Variants in IFI44L observed in about 807,000 individuals in gnomAD.
IFI44L encodes interferon induced protein 44 like, also known as interferon-induced protein 44-like.
A neutral mutation model predicts 39.3 loss-of-function variants in IFI44L; 40 were observed. The ratio of observed to expected loss-of-function variants is 1.02; its 90% CI spans 0.79 to 1.33. IFI44L has a LOEUF of 1.33. IFI44L is among the 40% of genes most tolerant of loss of function. IFI44L has a pLI of 0.00. For synonymous variants in IFI44L, 198 were observed against 182.3 expected (o/e 1.09, Z -0.69); for missense variants, 623 against 549.0 (o/e 1.13, Z -1.35).
intron 5 of IFI44L, among the ~76,000 whole-genome samples, chr1:78,636,498 G>A (rs1652955778): frequency 2.6e-5 from 4 of 151,970 alleles, no homozygotes; most frequent in Admixed American, 2.6e-4. Context: ...ATCTTAGAAA[G>A]ATTACTGTCT....
At chr1:78,636,703 T>C (rs753833056) in intron 5 of IFI44L, 2 of 214,382 alleles carry the variant, frequency 9.3e-6, no homozygotes, top group Non-Finnish European at 1.8e-5. Flanking sequence ...TAAATTGTAT[T>C]TAACAAACGT....
At chr1:78,640,060 A>G (rs974010183) in intron 6 of IFI44L, among the ~76,000 whole-genome samples, 1 of 152,102 alleles carries the variant, frequency 6.6e-6, no homozygotes, top group African/African-American at 2.4e-5. Flanking sequence ...ACACAATGTA[A>G]ATATATAAGC....
In IFI44L at chr1:78,625,162, C is replaced by T. The variant is rs143912946; in HGVS notation, c.-10-2744C>T. Among the ~76,000 whole-genome samples the T allele has an allele frequency of 1.5e-3, 228 of 151,370 alleles. 1 individual carries two copies. Among genetic ancestry groups the T allele is most frequent in the African/African-American group, 4.6e-3 (189 of 41,246 alleles). On this transcript the variant is annotated intron_variant, in intron 1 of 8. Transcript: ENST00000370751. ...GGCCTGTAATTTTTCTTGCTTATAA[C>T]GCCATTAACAGGTTTTGGTATCTAA...
intron 5 of IFI44L, 67 bp downstream of exon 5, chr1:78,635,556 A>T: frequency 6.7e-7 from 1 of 1,498,392 alleles, no homozygotes; most frequent in Non-Finnish European, 9.2e-7. Flanking sequence ...TGAATTTTTA[A>T]CCACATAAGG....
At chr1:78,621,792 T>C (rs1274668141) in intron 1 of IFI44L, among the ~76,000 whole-genome samples, 1 of 152,030 alleles carries the variant, frequency 6.6e-6, no homozygotes, top group African/African-American at 2.4e-5. Flanking sequence ...TTATATTAAT[T>C]TTATTTTTAT....
intron 1 of IFI44L, among the ~76,000 whole-genome samples, chr1:78,624,144 A>G (rs1652394488): frequency 6.6e-6 from 1 of 152,030 alleles, no homozygotes; most frequent in African/African-American, 2.4e-5. Flanking sequence ...GGTGCACACC[A>G]CCACACCCAA....
intron 6 of IFI44L, among the ~76,000 whole-genome samples, chr1:78,640,630 T>G (rs1191766549): frequency 6.6e-6 from 1 of 152,132 alleles, no homozygotes; most frequent in Non-Finnish European, 1.5e-5. Context: ...CTATTAGAAC[T>G]GTGAAATCAG....
chr1:78,622,049 A>G (rs1217199588), intron 1 of IFI44L, among the ~76,000 whole-genome samples: 1 of 152,054 alleles, frequency 6.6e-6, no homozygotes, highest in East Asian at 1.9e-4. Flanking sequence ...GTATATTTGT[A>G]CTCATTAACC....
At chr1:78,635,808 G>T in intron 5 of IFI44L, 1 of 263,990 alleles carries the variant, frequency 3.8e-6, no homozygotes, top group Non-Finnish European at 7.1e-6. Flanking sequence ...GCACTTTTTG[G>T]GTTACATAGA....
chr1:78,646,060 T>C lies in IFI44L; in HGVS notation c.*4251T>C, dbSNP rs1045376484. ...AATAATTACGTGTAAATATATTTTT[T>C]CATTTTTAAAAATTGATTTCTTTTG... On this transcript the variant is annotated 3_prime_UTR_variant, in exon 9 of 9. Coordinates refer to ENST00000370751, the MANE Select transcript of IFI44L (RefSeq NM_006820.4). 6.6e-6 allele frequency: 1 copy of C among 152,230 alleles called. No homozygotes were observed. Among genetic ancestry groups the C allele is most frequent in the African/African-American group, 2.4e-5 (1 of 41,462 alleles). 9.4% of individuals were successfully genotyped at this position (152,230 alleles called of 1,614,324 possible).
At chr1:78,635,058 CATG>C (rs1652893125) in intron 4 of IFI44L, among the ~76,000 whole-genome samples, 1 of 149,028 alleles carries the variant, frequency 6.7e-6, no homozygotes. Flanking sequence ...ACACGTTTTA[CATG>C]ATAAATTACA....
chr1:78,621,991 C>A (rs1293010104), intron 1 of IFI44L, among the ~76,000 whole-genome samples: 1 of 152,090 alleles, frequency 6.6e-6, no homozygotes, highest in Non-Finnish European at 1.5e-5. Flanking sequence ...TGGCCATAGT[C>A]ACTCTACTTT....
chr1:78,635,578 C>G, intron 5 of IFI44L, 89 bp downstream of exon 5: 1 of 1,191,420 alleles, frequency 8.4e-7, no homozygotes, highest in South Asian at 1.3e-5. Context: ...AATTTCAACT[C>G]CCATAATGTG....
At chr1:78,637,602 T>C (rs1652998615) in intron 6 of IFI44L, among the ~76,000 whole-genome samples, 1 of 152,116 alleles carries the variant, frequency 6.6e-6, no homozygotes, top group African/African-American at 2.4e-5. Flanking sequence ...TTTGTAGATT[T>C]CCCTCATGGC....
chr1:78,630,116 C>T (rs1652694756), intron 4 of IFI44L: 1 of 546,112 alleles, frequency 1.8e-6, no homozygotes, highest in South Asian at 2.5e-5. Context: ...ATGGAAGAAG[C>T]AGTTATATAA....
Position 78,635,321 on chromosome 1 carries a change from T to A in IFI44L, c.724-16T>A. 6.5e-7 allele frequency: 1 copy of A among 1,543,002 alleles called. No individual in the cohort carries two copies. The highest frequency in any genetic ancestry group is 8.9e-7 in the Non-Finnish European group (1 of 1,119,872). On this transcript the variant is annotated splice_polypyrimidine_tract_variant and intron_variant, in intron 4 of 8. Transcript: ENST00000370751. ...GTGATGAATGAACCTTTACACTTAA[T>A]GTATTTTTTTAACAGTATAGGATAT...
At chr1:78,625,554 A>T (rs148445525) in intron 1 of IFI44L, 1 of 151,966 alleles carries the variant, frequency 6.6e-6, no homozygotes, top group East Asian at 1.9e-4. Context: ...AGTGTTTTAC[A>T]AATTTTGTTA....
intron 6 of IFI44L, among the ~76,000 whole-genome samples, chr1:78,639,906 A>G (rs1369405137): frequency 1.3e-5 from 2 of 152,112 alleles, no homozygotes; most frequent in African/African-American, 4.8e-5. Context: ...CCTAGTTTTT[A>G]AATAGTAGTA....
rs768105991 is a variant in IFI44L at position 78,629,793 on chromosome 1, C to G, written c.601C>G (p.Leu201Val). 2 of 1,613,702 alleles carry G rather than the reference C, an allele frequency of 1.2e-6. No individual in the cohort carries two copies. The highest frequency in any genetic ancestry group is 1.7e-6 in the Non-Finnish European group (2 of 1,179,772). The stretch of plus-strand genomic sequence containing the variant: ...AGACTTGGTTTCAGAAATTCGTATT[C>G]TTTTGGTGGGTCCAGTTGGGTCTGG... ...YADLVSEIRI[L>V]LVGPVGSGKS... The change falls in exon 4 of 9, where the codon CTT becomes GTT. Residue 201 changes from leucine to valine, a missense_variant. Leu to Val is a conservative substitution (Grantham distance 32). Coordinates refer to ENST00000370751, the MANE Select transcript of IFI44L (RefSeq NM_006820.4).
Sources: gnomAD v4.1 joint callset for allele counts (sites outside exome capture counted in the v4.1 genomes callset) on GRCh38, gnomAD v4.1.1 for gene constraint, MANE v1.5 for transcripts, NCBI Gene and HGNC (gene_info 2026-07-23, HGNC 2026-07-21) for gene names.